ATM: variants seen among roughly 807,000 people sequenced by gnomAD.
ATM encodes ATM serine/threonine kinase.
ATM carries 308 observed loss-of-function variants against 387.0 expected under a neutral mutation model. That is an observed-to-expected ratio of 0.80 (90% confidence interval 0.73 to 0.87). The LOEUF is 0.87. Ranked by LOEUF, ATM falls within the 40% of genes least tolerant of loss-of-function variation. ATM has a pLI of 0.00. For missense variants in ATM, 3,312 were observed against 3,560.9 expected, an observed-to-expected ratio of 0.93 and a Z score of 1.78; for synonymous variants, 1,156 against 1,187.3, an observed-to-expected ratio of 0.97 and a Z score of 0.54.
rs1555122924 is a variant in ATM, at chr11:108,330,206, T to C, written c.7308-8T>C. The stretch of plus-strand genomic sequence containing the variant: ...CTTTTGTGTTTTACCTTAATTATTC[T>C]ATGCAAGATACACAGTAAAGGTTCA... On this transcript the variant is annotated splice_polypyrimidine_tract_variant and splice_region_variant and intron_variant, in intron 49 of 62. Coordinates refer to ENST00000675843, the MANE Select transcript of ATM (RefSeq NM_000051.4). 2 of 1,612,648 alleles carry C rather than the reference T, an allele frequency of 1.2e-6. No individual in the cohort carries two copies. Among genetic ancestry groups the C allele is most frequent in the Non-Finnish European group, 1.7e-6 (2 of 1,178,788 alleles).
chr11:108,363,128 A>AC (rs1477344566), intron 61 of ATM, among the ~76,000 whole-genome samples: 1 of 152,162 alleles, frequency 6.6e-6, no homozygotes, highest in African/African-American at 2.4e-5. Context: ...CAGTGATCTT[A>AC]CCACAGTAAG....
chr11:108,282,896 CAT>C lies in ATM; in HGVS notation c.3746+20_3746+21del, dbSNP rs2135691794. On this transcript the variant is annotated intron_variant, in intron 25 of 62. Transcript: ENST00000675843. ...TTTCTATAGGTAAGTTTATACATGACATATGTGAAATTTGTTTAATTTAAAAT... is the reference window on the plus strand; with the variant it reads ...TTTCTATAGGTAAGTTTATACATGACATGTGAAATTTGTTTAATTTAAAAT... 1 of 1,435,860 alleles carries C rather than the reference CAT, an allele frequency of 7.0e-7. No homozygotes were observed. The highest frequency in any genetic ancestry group is 1.2e-5 in the South Asian group (1 of 84,940). The allele number at this position is 1,435,860 out of a possible 1,614,324, so 88.9% of individuals were successfully genotyped here.
chr11:108,264,313 C>G (rs1021063488), intron 16 of ATM, among the ~76,000 whole-genome samples: 5 of 152,024 alleles, frequency 3.3e-5, no homozygotes, highest in African/African-American at 1.2e-4. Context: ...CCTGGGATGC[C>G]AGGCTGGTTC....
intron 24 of ATM, 89 bp from the exon 25 acceptor site, chr11:108,282,621 C>A: frequency 4.8e-6 from 6 of 1,256,344 alleles, no homozygotes; most frequent in Non-Finnish European, 5.7e-6. Context: ...AATGTTGTTT[C>A]TAGGTCCTAC....
In ATM at chr11:108,284,297, A is replaced by G. The variant is rs876660767; in HGVS notation, c.3817A>G (p.Asn1273Asp). ...TTTTGATGAGGTGAAGTCCATTGCT[A>G]ATCAGATTCAAGAGGACTGGAAAAG... ...SHFDEVKSIA[N>D]QIQEDWKSLL... The change falls in exon 26 of 63, where the codon AAT (asparagine) becomes GAT (aspartate). Residue 1273 changes from asparagine to aspartate, a missense_variant. This residue lies in a region of ATM where 1,791 missense variants were observed against 1,804.5 expected (regional missense o/e 0.99). Transcript: ENST00000675843. The G allele has an allele frequency of 6.2e-7, 1 of 1,613,682 alleles. No individual in the cohort carries two copies. Among genetic ancestry groups the G allele is most frequent in the African/African-American group, 1.3e-5 (1 of 74,918 alleles).
chr11:108,301,779 C>T lies in ATM; in HGVS notation c.5309C>T (p.Ser1770Leu), dbSNP rs121434223. The T allele has an allele frequency of 6.2e-7, 1 of 1,613,262 alleles. No individual in the cohort carries two copies. Among genetic ancestry groups the T allele is most frequent in the Non-Finnish European group, 8.5e-7 (1 of 1,179,580 alleles). Residue 1770 changes from serine to leucine, a missense_variant, in exon 35 of 63, where the codon TCA (serine) becomes TTA (leucine). Around this residue, in one of 4 missense-constraint regions of ATM, gnomAD observed 1,405 missense variants for 1,604.4 expected, o/e 0.88. Transcript: ENST00000675843. Reference protein sequence around the residue: ...MLAYLQPFRTSRKKFLEVPRF... With the variant: ...MLAYLQPFRTLRKKFLEVPRF... ...GCCTATCTACAGCCTTTTAGAACAT[C>T]AAGAAAAAAGGTCTCTTAAGTAATA...
At chr11:108,281,790 A>G (rs571297199) in intron 24 of ATM, among the ~76,000 whole-genome samples, 1 of 152,142 alleles carries the variant, frequency 6.6e-6, no homozygotes, top group Non-Finnish European at 1.5e-5. Flanking sequence ...CATAGTTTCC[A>G]TGGTGCTTTG....
chr11:108,252,789 A>T, intron 11 of ATM, 28 bp from the exon 12 acceptor site: 1 of 1,487,648 alleles, frequency 6.7e-7, no homozygotes, highest in Non-Finnish European at 9.4e-7. Flanking sequence ...TTGGTCTTCT[A>T]AGTGAAGCTT....
chr11:108,304,641 C>G (rs2083586390), intron 36 of ATM, 34 bp from the exon 37 acceptor site: 3 of 1,601,172 alleles, frequency 1.9e-6, no homozygotes, highest in South Asian at 1.1e-5. Context: ...CATTTTTACT[C>G]AAACTATTGG....
chr11:108,272,639 C>A (rs2135567715), intron 21 of ATM, 32 bp downstream of exon 21: 1 of 1,612,472 alleles, frequency 6.2e-7, no homozygotes, highest in Admixed American at 1.7e-5. Flanking sequence ...GTAAGATCTC[C>A]ATTGAAAATT....
chr11:108,345,491 A>G (rs1488751946), intron 57 of ATM, among the ~76,000 whole-genome samples: 1 of 152,174 alleles, frequency 6.6e-6, no homozygotes, highest in Non-Finnish European at 1.5e-5. Context: ...GATTATTCAA[A>G]TTAGAATTTA....
At chr11:108,319,773 T>C (rs2085055865) in intron 43 of ATM, among the ~76,000 whole-genome samples, 181 bp from the exon 44 acceptor site, 1 of 152,256 alleles carries the variant, frequency 6.6e-6, no homozygotes, top group South Asian at 2.1e-4. Context: ...TTCCTTTTTT[T>C]CTGCTTAAAG....
intron 30 of ATM, 80 bp from the exon 31 acceptor site, chr11:108,293,233 C>G (rs2135807523): frequency 3.4e-6 from 3 of 895,318 alleles, no homozygotes; most frequent in Non-Finnish European, 5.0e-6. Flanking sequence ...TAGATTTTAT[C>G]ATTTATTACA....
chr11:108,299,767 G>A lies in ATM; in HGVS notation c.5059G>A (p.Ala1687Thr), dbSNP rs1555104597. The A allele has an allele frequency of 1.2e-6, 2 of 1,613,920 alleles. No individual in the cohort carries two copies. The highest frequency in any genetic ancestry group is 1.7e-6 in the Non-Finnish European group (2 of 1,179,944). ...EVGPIDFSTIAIQHSKDASYT... is the reference protein window; with the variant it reads ...EVGPIDFSTITIQHSKDASYT... ...GGGTCCTATAGATTTCTCTACCATA[G>A]CTATACAACATAGTAAAGATGCATC... Residue 1687 changes from alanine (A) to threonine (T), a missense_variant, in exon 34 of 63, where the codon GCT becomes ACT. Ala to Thr is a moderately conservative substitution (Grantham distance 58, BLOSUM62 0). This residue lies in a region of ATM where 1,405 missense variants were observed against 1,604.4 expected (regional missense o/e 0.88). Coordinates refer to ENST00000675843, the MANE Select transcript of ATM (RefSeq NM_000051.4).
chr11:108,281,097 G>GA lies in ATM; in HGVS notation c.3510dup (p.Gln1171ThrfsTer8), dbSNP rs876658899. 6.2e-7 allele frequency: 1 copy of GA among 1,613,870 alleles called. No homozygotes were observed. The highest frequency in any genetic ancestry group is 1.7e-5 in the Admixed American group (1 of 59,990). ...GGTTTTATCCTGTAGCCCTATCTGC[G>GA]AAAAACAGGCTTTGTTTGCCCTGTG... On this transcript the variant is annotated frameshift_variant, in exon 24 of 63. Transcript: ENST00000675843. LOFTEE classifies it high-confidence loss of function.
intron 19 of ATM, 29 bp downstream of exon 19, chr11:108,271,175 C>A (rs2135549614): frequency 1.9e-6 from 3 of 1,612,636 alleles, no homozygotes; most frequent in South Asian, 1.1e-5. Flanking sequence ...ATGTTATGTT[C>A]ACTTTAAAGT....
chr11:108,237,021 AT>A (rs1407158607), intron 5 of ATM, among the ~76,000 whole-genome samples: 2 of 152,204 alleles, frequency 1.3e-5, no homozygotes, highest in Non-Finnish European at 2.9e-5. Flanking sequence ...TGCTAGCTAA[AT>A]TAAAAGACAT....
intron 16 of ATM, among the ~76,000 whole-genome samples, chr11:108,260,966 G>A (rs1037366020): frequency 3.3e-5 from 5 of 152,174 alleles, no homozygotes; most frequent in East Asian, 1.9e-4. Flanking sequence ...ATTATATCCC[G>A]CACCTGGCTC....
chr11:108,332,329 G>A (rs1162267695), intron 52 of ATM, among the ~76,000 whole-genome samples: 1 of 152,114 alleles, frequency 6.6e-6, no homozygotes, highest in African/African-American at 2.4e-5. Flanking sequence ...CTACTCGGGA[G>A]GCTGAGGCAG....
Sources: allele counts gnomAD v4.1 joint callset (sites outside exome capture counted in the v4.1 genomes callset), GRCh38; gene constraint gnomAD v4.1.1; regional missense constraint gnomAD v4.1.1; transcripts MANE v1.5; gene names NCBI Gene and HGNC (gene_info 2026-07-23, HGNC 2026-07-21).